PRDM15: variants seen among roughly 807,000 people sequenced by gnomAD.
The protein encoded by PRDM15 is PR domain zinc finger protein 15.
PRDM15 carries 64 observed loss-of-function variants against 128.6 expected under a neutral mutation model. That is an observed-to-expected ratio of 0.50 (90% CI 0.41 to 0.61). PRDM15 has a LOEUF of 0.61. PRDM15 is among the 20% of genes least tolerant of loss of function. The pLI is 0.00. For synonymous variants in PRDM15, 615 were observed against 621.8 expected (o/e 0.99, Z 0.16); for missense variants, 1,242 against 1,569.1 (o/e 0.79, Z 3.52).
chr21:41,810,516 C>T lies in PRDM15; in HGVS notation c.2477-187G>A. ...CACAGAGCCTCTGTCCCTTGGGGAG[C>T]ACTGCCAGCAGCAGCTGCATCACGG... is the stretch of plus-strand genomic sequence containing the variant. On this transcript the variant is annotated intron_variant, in intron 20 of 23. Transcript: ENST00000398548. The surrounding 1 kb of genome is among the most constrained non-coding windows in gnomAD (Gnocchi z 6.4). 1 of 662,630 alleles carries T rather than the reference C, an allele frequency of 1.5e-6. No homozygotes were observed. Among genetic ancestry groups the T allele is most frequent in the Non-Finnish European group, 2.6e-6 (1 of 390,738 alleles). 41.0% of individuals were successfully genotyped at this position (662,630 alleles called of 1,614,324 possible).
rs554280756 is a variant in PRDM15, at chr21:41,859,981, G to A, written c.38-296C>T. Among the ~76,000 whole-genome samples the A allele has an allele frequency of 1.2e-4, 19 of 152,234 alleles. No individual in the cohort carries two copies. The South Asian group carries it at 3.7e-3, about 30-fold the overall frequency. On this transcript the variant is annotated intron_variant, in intron 2 of 23. Coordinates refer to ENST00000398548, the MANE Select transcript of PRDM15 (RefSeq NM_001040424.3). The surrounding 1 kb of genome is among the most constrained non-coding windows in gnomAD (Gnocchi z 5.3). Reference sequence around the variant, plus strand: ...CAAGCACGGTCACCTCCATGGTGACGAAGACCAAGACCCTCCCCAAAGAAT... The same window carrying A: ...CAAGCACGGTCACCTCCATGGTGACAAAGACCAAGACCCTCCCCAAAGAAT...
chr21:41,848,756 T>C (rs1235858105), intron 5 of PRDM15, among the ~76,000 whole-genome samples: 1 of 152,226 alleles, frequency 6.6e-6, no homozygotes. Flanking sequence ...TCTCCTCAAC[T>C]TGGCGCTCTG....
chr21:41,804,531 C>A lies in PRDM15; in HGVS notation c.2733+3G>T. 4 of 1,562,244 alleles carry A rather than the reference C, an allele frequency of 2.6e-6. No homozygotes were observed. The highest frequency in any genetic ancestry group is 1.2e-5 in the South Asian group (1 of 84,748). On this transcript the variant is annotated splice_donor_region_variant and intron_variant, in intron 22 of 23. Transcript: ENST00000398548. ...TGAGCCCCTGGGGCCCCATGCTGCT[C>A]ACCTGGACGATGCCAATGGAGGAGG...
intron 17 of PRDM15, 116 bp from the exon 18 acceptor site, chr21:41,819,817 A>T: frequency 7.3e-7 from 1 of 1,372,574 alleles, no homozygotes; most frequent in Non-Finnish European, 9.9e-7. Flanking sequence ...GCGCAGTAAC[A>T]GGGGTGGGGT....
At chr21:41,830,907 G>C (rs2062665957) in intron 11 of PRDM15, among the ~76,000 whole-genome samples, 1 of 152,198 alleles carries the variant, frequency 6.6e-6, no homozygotes, top group Admixed American at 6.5e-5. Context: ...GGTCCTCACT[G>C]CCCAGTCCCT....
chr21:41,877,079 C>G (rs1414426964), intron 1 of PRDM15, among the ~76,000 whole-genome samples: 3 of 152,176 alleles, frequency 2.0e-5, no homozygotes, highest in Non-Finnish European at 2.9e-5. Context: ...AGGGCCTTTG[C>G]ATTTGCCACC....
chr21:41,846,498 GT>G (rs1268981728), intron 6 of PRDM15, among the ~76,000 whole-genome samples: 1 of 152,230 alleles, frequency 6.6e-6, no homozygotes, highest in African/African-American at 2.4e-5. Flanking sequence ...GAGCCCAGCA[GT>G]CTGAGCCAGC....
chr21:41,851,497 C>A (rs2063428475), intron 5 of PRDM15, among the ~76,000 whole-genome samples: 1 of 152,150 alleles, frequency 6.6e-6, no homozygotes, highest in African/African-American at 2.4e-5. Context: ...CTGGCAGGGT[C>A]AGGGAGGAGG....
chr21:41,871,648 G>A, intron 1 of PRDM15: 4 of 1,591,622 alleles, frequency 2.5e-6, no homozygotes, highest in Non-Finnish European at 3.4e-6. Flanking sequence ...GGTCACGAAA[G>A]TAGACATGAG....
At chr21:41,830,005 AAC>A (rs1314506115) in intron 11 of PRDM15, among the ~76,000 whole-genome samples, 5 of 151,466 alleles carry the variant, frequency 3.3e-5, no homozygotes, top group Middle Eastern at 3.4e-3. Context: ...ATACTACACA[AAC>A]ACACATACTC....
chr21:41,823,065 C>T (rs1456949085), intron 14 of PRDM15: 13 of 491,016 alleles, frequency 2.6e-5, no homozygotes, highest in Non-Finnish European at 3.7e-5. Flanking sequence ...GATTTGGGCC[C>T]TTATAGAAGA....
At chr21:41,848,416 G>A (rs1194259180) in intron 5 of PRDM15, among the ~76,000 whole-genome samples, 4 of 152,172 alleles carry the variant, frequency 2.6e-5, no homozygotes, top group Non-Finnish European at 5.9e-5. Flanking sequence ...CGGTGTGGGG[G>A]GCACCCTGCC....
At chr21:41,860,038 G>A (rs113310161) in intron 2 of PRDM15, among the ~76,000 whole-genome samples, 1 of 152,156 alleles carries the variant, frequency 6.6e-6, no homozygotes, top group Non-Finnish European at 1.5e-5. Flanking sequence ...ATGTTAGCAG[G>A]TTCATCCCTC....
chr21:41,852,786 T>C (rs1601393407), intron 5 of PRDM15, among the ~76,000 whole-genome samples: 1 of 152,064 alleles, frequency 6.6e-6, no homozygotes, highest in African/African-American at 2.4e-5. Context: ...ACATGGCCCA[T>C]AGTGGGTTCA....
At chr21:41,834,753 C>G (rs777070256) in intron 11 of PRDM15, among the ~76,000 whole-genome samples, 2 of 152,210 alleles carry the variant, frequency 1.3e-5, no homozygotes, top group Non-Finnish European at 2.9e-5. Context: ...GAAGCGCAGC[C>G]GGCAGGACGG....
At chr21:41,856,613 T>A (rs1229420466) in intron 4 of PRDM15, among the ~76,000 whole-genome samples, 1 of 152,170 alleles carries the variant, frequency 6.6e-6, no homozygotes, top group Non-Finnish European at 1.5e-5. Flanking sequence ...GAGGGCTCAT[T>A]TTTTACTTAT....
rs1335736555 is a variant in PRDM15, at chr21:41,811,696, T to C, written c.2393-860A>G. ...CTTACCTGACTTTTTTTTTTTTTTT[T>C]TTTTTGAGACAGCGTCTCACTCTGT... is the stretch of plus-strand genomic sequence containing the variant. On this transcript the variant is annotated intron_variant, in intron 19 of 23. Transcript: ENST00000398548. The surrounding 1 kb of genome is among the most constrained non-coding windows in gnomAD (Gnocchi z 4.1). 2 of 151,188 alleles carry C rather than the reference T, an allele frequency of 1.3e-5. No individual in the cohort carries two copies. The highest frequency in any genetic ancestry group is 2.9e-5 in the Non-Finnish European group (2 of 67,880). 9.4% of individuals were successfully genotyped at this position (151,188 alleles called of 1,614,324 possible). A position where few individuals can be genotyped will look rare whatever the true frequency, so the allele number is the denominator to read the frequency against.
At chr21:41,806,446 C>T (rs1333053122) in intron 21 of PRDM15, among the ~76,000 whole-genome samples, 1 of 84,462 alleles carries the variant, frequency 1.2e-5, no homozygotes, top group African/African-American at 5.7e-5. Flanking sequence ...CCACCATCAC[C>T]ACCACCCATC....
intron 23 of PRDM15, among the ~76,000 whole-genome samples, chr21:41,802,293 C>A (rs896431387): frequency 1.3e-5 from 2 of 152,134 alleles, no homozygotes; most frequent in African/African-American, 4.8e-5. Context: ...AGGTTCCACT[C>A]GAGAAAGTGG....
Sources: allele counts gnomAD v4.1 joint callset (sites outside exome capture counted in the v4.1 genomes callset), GRCh38; gene constraint gnomAD v4.1.1; non-coding constraint Gnocchi (gnomAD v3.1); transcripts MANE v1.5; gene names NCBI Gene and HGNC (gene_info 2026-07-23, HGNC 2026-07-21).